HPSE2: variants seen among roughly 807,000 people sequenced by gnomAD.
HPSE2 encodes inactive heparanase-2.
A neutral mutation model predicts 60.5 loss-of-function variants in HPSE2; 38 were observed. The observed-to-expected ratio is 0.63, with a 90% CI of 0.48 to 0.82. The LOEUF (loss-of-function observed/expected upper bound fraction) is 0.82, where lower values mean the gene tolerates loss of function less well. Ranked by LOEUF, HPSE2 falls within the 40% of genes least tolerant of loss-of-function variation. The pLI is 0.00. For missense variants in HPSE2, 713 were observed against 740.4 expected (o/e 0.96, Z 0.43); for synonymous variants, 295 against 293.2 (o/e 1.01, Z -0.06).
At position 99,232,312 on chromosome 10, in the gene HPSE2, G is replaced by A. The variant is rs371303121; in HGVS notation, c.448+36C>T. 7 of 1,549,786 alleles carry A rather than the reference G, an allele frequency of 4.5e-6. No homozygotes were observed. In the South Asian group the frequency reaches 4.8e-5, roughly 11 times the overall value. On this transcript the variant is annotated intron_variant, in intron 2 of 11. Coordinates refer to ENST00000370552, the MANE Select transcript of HPSE2 (RefSeq NM_021828.5). The stretch of plus-strand genomic sequence containing the variant: ...ACAAACACAGCGGGTGCTTGCTTCC[G>A]CTCCCCAAATAAAGAATGGTAATCA...
intron 3 of HPSE2, among the ~76,000 whole-genome samples, chr10:98,926,637 A>G (rs1207790895): frequency 6.6e-6 from 1 of 152,168 alleles, no homozygotes; most frequent in African/African-American, 2.4e-5. Flanking sequence ...ATGCTCAAAT[A>G]TCAACCTGTC....
At chr10:98,631,493 C>A (rs1946364185) in intron 7 of HPSE2, among the ~76,000 whole-genome samples, 1 of 152,200 alleles carries the variant, frequency 6.6e-6, no homozygotes, top group Non-Finnish European at 1.5e-5. Context: ...CAACCCCTAC[C>A]TACTTACAAG....
At chr10:99,180,032 T>G (rs191923814) in intron 2 of HPSE2, among the ~76,000 whole-genome samples, 1 of 152,186 alleles carries the variant, frequency 6.6e-6, no homozygotes, top group Admixed American at 6.5e-5. Flanking sequence ...ATTTAATAAA[T>G]GGTGTTGGGA....
At chr10:99,233,359 A>C (rs917670372) in intron 1 of HPSE2, among the ~76,000 whole-genome samples, 1 of 152,172 alleles carries the variant, frequency 6.6e-6, no homozygotes, top group Non-Finnish European at 1.5e-5. Flanking sequence ...GCCGTTTGGA[A>C]CCGCTAGGGA....
intron 3 of HPSE2, among the ~76,000 whole-genome samples, chr10:98,992,597 C>A (rs1262443536): frequency 6.6e-6 from 1 of 152,134 alleles, no homozygotes; most frequent in Non-Finnish European, 1.5e-5. Flanking sequence ...TGGGCTAGAT[C>A]TGTCAAGAAA....
At chr10:98,605,880 GCAGATGCTGTTC>G (rs1262574179) in intron 9 of HPSE2, among the ~76,000 whole-genome samples, 2 of 152,162 alleles carry the variant, frequency 1.3e-5, no homozygotes, top group African/African-American at 4.8e-5. Context: ...TGCAGCCTTT[GCAGATGCTGTTC>G]CTGTTGAGCG....
chr10:99,015,958 T>C (rs1005810916), intron 3 of HPSE2, among the ~76,000 whole-genome samples: 6 of 152,192 alleles, frequency 3.9e-5, no homozygotes, highest in Admixed American at 2.6e-4. Flanking sequence ...GTTGGATGCA[T>C]AGTTTGCAAA....
chr10:98,685,686 A>T (rs138971635), intron 6 of HPSE2, among the ~76,000 whole-genome samples: 3 of 152,130 alleles, frequency 2.0e-5, no homozygotes, highest in African/African-American at 7.2e-5. Context: ...ATTTTTGCCT[A>T]TTAAGAATAA....
intron 6 of HPSE2, among the ~76,000 whole-genome samples, chr10:98,666,916 T>A (rs979862704): frequency 6.6e-6 from 1 of 151,694 alleles, no homozygotes; most frequent in Non-Finnish European, 1.5e-5. Flanking sequence ...GAGTAATAAT[T>A]AAGTCAGAGA....
intron 6 of HPSE2, among the ~76,000 whole-genome samples, chr10:98,685,571 T>C (rs971612053): frequency 2.0e-5 from 3 of 152,232 alleles, no homozygotes; most frequent in Non-Finnish European, 4.4e-5. Flanking sequence ...TTGTGGCACA[T>C]ATCATTAGTT....
At chr10:99,050,952 C>A (rs902533975) in intron 3 of HPSE2, among the ~76,000 whole-genome samples, 1 of 149,412 alleles carries the variant, frequency 6.7e-6, no homozygotes, top group African/African-American at 2.5e-5. Context: ...TTGATTCAAT[C>A]GTGTGTGTGT....
At chr10:98,693,589 G>A (rs574055566) in intron 6 of HPSE2, among the ~76,000 whole-genome samples, 4 of 152,278 alleles carry the variant, frequency 2.6e-5, no homozygotes, top group South Asian at 4.2e-4. Flanking sequence ...AAAGCCTATG[G>A]GAAAACAGTG....
Position 98,482,521 on chromosome 10 carries a change from T to C in HPSE2, c.1613+115A>G, listed in dbSNP as rs760052957. The C allele has an allele frequency of 5.0e-5, 65 of 1,306,926 alleles. 1 individual carries two copies. Among genetic ancestry groups the C allele is most frequent in the Non-Finnish European group, 6.4e-5 (58 of 903,482 alleles). The allele number at this position is 1,306,926 out of a possible 1,614,324, so 81.0% of individuals were successfully genotyped here. ...CCTGACCCCAGACCGCTCTTTGTCC[T>C]ACTCCATCCCACTGAGCCCTTGAGA... On this transcript the variant is annotated intron_variant, in intron 11 of 11. Coordinates refer to ENST00000370552, the MANE Select transcript of HPSE2 (RefSeq NM_021828.5).
chr10:98,673,720 A>C (rs972964), intron 6 of HPSE2, among the ~76,000 whole-genome samples: 75,753 of 151,810 alleles, frequency 0.5, 21,159 homozygotes, highest in South Asian at 0.74. Flanking sequence ...TTTTCTGTAA[A>C]ACAGATTATG....
At chr10:98,768,672 A>G (rs541533770) in intron 3 of HPSE2, among the ~76,000 whole-genome samples, 1 of 152,288 alleles carries the variant, frequency 6.6e-6, no homozygotes, top group East Asian at 1.9e-4. Flanking sequence ...TTTTCTAATC[A>G]CTGGCCCCAA....
chr10:98,762,231 C>A (rs371500186), intron 3 of HPSE2, among the ~76,000 whole-genome samples: 4 of 144,832 alleles, frequency 2.8e-5, no homozygotes, highest in African/African-American at 1.0e-4. Flanking sequence ...AAAAATCCCT[C>A]TTTCTCACCA....
intron 3 of HPSE2, among the ~76,000 whole-genome samples, chr10:98,816,108 A>G (rs933301159): frequency 3.3e-5 from 5 of 151,938 alleles, no homozygotes; most frequent in Admixed American, 1.3e-4. Context: ...CAGCACACCA[A>G]CATGGCACAC....
At chr10:98,809,600 T>C (rs1382361381) in intron 3 of HPSE2, among the ~76,000 whole-genome samples, 3 of 152,130 alleles carry the variant, frequency 2.0e-5, no homozygotes, top group African/African-American at 7.2e-5. Context: ...CTAACCCTGG[T>C]AATTAAGAAT....
intron 5 of HPSE2, among the ~76,000 whole-genome samples, chr10:98,699,162 A>C (rs1396098261): frequency 6.6e-6 from 1 of 152,046 alleles, no homozygotes; most frequent in Non-Finnish European, 1.5e-5. Context: ...TCATCCTGAT[A>C]CCAAAGCCTG....
Sources: allele counts gnomAD v4.1 joint callset (sites outside exome capture counted in the v4.1 genomes callset), GRCh38; gene constraint gnomAD v4.1.1; transcripts MANE v1.5; gene names NCBI Gene and HGNC (gene_info 2026-07-23, HGNC 2026-07-21).